The following C11orf71 variants were observed in gnomAD, a reference collection of about 807,000 sequenced individuals.
C11orf71 encodes the protein chromosome 11 open reading frame 71.
For missense variants in C11orf71, 179 were observed against 167.6 expected (o/e 1.07, Z -0.38); for synonymous variants, 72 against 73.4 (o/e 0.98, Z 0.09).
At chr11:114,392,725 C>A (rs1312608057) in intron 1 of C11orf71, among the ~76,000 whole-genome samples, 1 of 148,472 alleles carries the variant, frequency 6.7e-6, no homozygotes, top group African/African-American at 2.5e-5. Context: ...AGAGTAAGAT[C>A]CTGTCTCAAA....
chr11:114,399,861 C>T lies in C11orf71; in HGVS notation c.*99G>A. 1 of 1,407,582 alleles carries T rather than the reference C, an allele frequency of 7.1e-7. No individual in the cohort carries two copies. Among genetic ancestry groups the T allele is most frequent in the Non-Finnish European group, 9.4e-7 (1 of 1,067,488 alleles). 87.2% of individuals were successfully genotyped at this position (1,407,582 alleles called of 1,614,324 possible). On this transcript the variant is annotated 3_prime_UTR_variant, in exon 1 of 1. Coordinates refer to ENST00000623205, the MANE Select transcript of C11orf71 (RefSeq NM_001271562.2). ...TCCCACGTATTAAATGAAAATACAT[C>T]CATCTAAAAATAAAACAACACGATT...
chr11:114,394,228 C>CTTTTCTTTCCTTTCTTTTCTTTTCT, downstream of C11orf71, among the ~76,000 whole-genome samples: 3 of 48,704 alleles, frequency 6.2e-5, no homozygotes, highest in Admixed American at 2.7e-4. Context: ...CTTTTCTTTT[C>CTTTTCTTTCCTTTCTTTTCTTTTCT]TTTCTTTTCT....
At chr11:114,394,180 TTTC>T (rs1365969461), downstream of C11orf71, among the ~76,000 whole-genome samples, 1 of 40,774 alleles carries the variant, frequency 2.5e-5, no homozygotes. Flanking sequence ...CGGGGTTTCG[TTTC>T]TTTTCTTTTC....
chr11:114,394,338 A>T (rs1946114071), downstream of C11orf71, among the ~76,000 whole-genome samples: 1 of 143,778 alleles, frequency 7.0e-6, no homozygotes, highest in Non-Finnish European at 1.5e-5. Flanking sequence ...TCTGTTGCCC[A>T]GGCTGGAGTG....
At chr11:114,397,235 A>G (rs573478286), downstream of C11orf71, among the ~76,000 whole-genome samples, 1 of 152,346 alleles carries the variant, frequency 6.6e-6, no homozygotes, top group East Asian at 1.9e-4. Context: ...GAAATCATCT[A>G]TTTTAGAATG....
At chr11:114,394,243 T>TTTTCTTTTCTTTCTTTTCTTTTC (rs1946104911), downstream of C11orf71, among the ~76,000 whole-genome samples, 2 of 52,358 alleles carry the variant, frequency 3.8e-5, no homozygotes, top group Admixed American at 2.4e-4. Context: ...TTTTCTTTTC[T>TTTTCTTTTCTTTCTTTTCTTTTC]TTTCTTTTCT....
At chr11:114,394,331 G>T (rs952970879), downstream of C11orf71, among the ~76,000 whole-genome samples, 1 of 141,696 alleles carries the variant, frequency 7.1e-6, no homozygotes, top group African/African-American at 2.6e-5. Flanking sequence ...GTCGCACTCT[G>T]TTGCCCAGGC....
downstream of C11orf71, among the ~76,000 whole-genome samples, chr11:114,394,203 C>G (rs1009516465): frequency 2.0e-5 from 1 of 49,224 alleles, no homozygotes; most frequent in African/African-American, 1.2e-4. Flanking sequence ...CTTTTCTTTT[C>G]TTTTCTTTTC....
At chr11:114,394,979 C>T (rs1196801334), downstream of C11orf71, among the ~76,000 whole-genome samples, 4 of 150,654 alleles carry the variant, frequency 2.7e-5, no homozygotes, top group African/African-American at 7.4e-5. Context: ...ACAATTTATG[C>T]CCTTGCCTTC....
downstream of C11orf71, among the ~76,000 whole-genome samples, chr11:114,394,210 TTTC>T (rs781193742): frequency 2.8e-4 from 17 of 61,136 alleles, no homozygotes; most frequent in East Asian, 3.4e-3. Flanking sequence ...TTTCTTTTCT[TTTC>T]TTTTCTTTTC....
At chr11:114,393,369 T>G (rs1253047935) in intron 1 of C11orf71, among the ~76,000 whole-genome samples, 1 of 152,222 alleles carries the variant, frequency 6.6e-6, no homozygotes, top group Non-Finnish European at 1.5e-5. Flanking sequence ...CAATTCAAAG[T>G]CCATTTAACT....
chr11:114,399,038 T>C lies in C11orf71; in HGVS notation c.*922A>G, dbSNP rs1215548027. 2 of 138,864 alleles carry C rather than the reference T, an allele frequency of 1.4e-5. No individual in the cohort carries two copies. Among genetic ancestry groups the C allele is most frequent in the Non-Finnish European group, 3.1e-5 (2 of 65,252 alleles). The allele number at this position is 138,864 out of a possible 1,614,324, so 8.6% of individuals were successfully genotyped here. A position where few individuals can be genotyped will look rare whatever the true frequency, so the allele number is the denominator to read the frequency against. On this transcript the variant is annotated 3_prime_UTR_variant, in exon 1 of 1. Transcript: ENST00000623205. Reference sequence around the variant, plus strand: ...CCAGGTAAGAGAAGAACCAGGATAGTGCAGTATTATGATGAAAAAAAAAAA... The same window carrying C: ...CCAGGTAAGAGAAGAACCAGGATAGCGCAGTATTATGATGAAAAAAAAAAA...
downstream of C11orf71, among the ~76,000 whole-genome samples, chr11:114,394,253 TTTTC>T (rs1565256639): frequency 3.6e-4 from 24 of 66,626 alleles, 1 homozygote; most frequent in Non-Finnish European, 5.3e-4. Context: ...TTTTCTTTTC[TTTTC>T]TTTTCTTTTC....
In C11orf71 at chr11:114,399,722, G is replaced by A. The variant is rs1946164335; in HGVS notation, c.*238C>T. On this transcript the variant is annotated 3_prime_UTR_variant, in exon 1 of 1. Transcript: ENST00000623205. ...GCTCCCATCAGCTCAGCTTTGTGAC[G>A]ACCTAAGAATATCCCTTCCACACCT... 2 of 568,226 alleles carry A rather than the reference G, an allele frequency of 3.5e-6. No individual in the cohort carries two copies. The highest frequency in any genetic ancestry group is 3.8e-5 in the Admixed American group (1 of 26,466). 35.2% of individuals were successfully genotyped at this position (568,226 alleles called of 1,614,324 possible).
At chr11:114,391,675 A>C (rs1395192151) in intron 1 of C11orf71, 4 of 1,292,268 alleles carry the variant, frequency 3.1e-6, no homozygotes, top group Non-Finnish European at 4.3e-6. Context: ...ACTAAAATAC[A>C]CAAAATGGAT....
downstream of C11orf71, among the ~76,000 whole-genome samples, chr11:114,394,228 C>CT: frequency 0.28 from 13,127 of 46,550 alleles, 1,693 homozygotes; most frequent in Non-Finnish European, 0.3. Context: ...CTTTTCTTTT[C>CT]TTTCTTTTCT....
chr11:114,393,237 G>C (rs1420565793), intron 1 of C11orf71, among the ~76,000 whole-genome samples: 1 of 152,166 alleles, frequency 6.6e-6, no homozygotes, highest in African/African-American at 2.4e-5. Flanking sequence ...TCTGTTAAAA[G>C]TTAAAACAAG....
chr11:114,394,234 T>TCTCTTCTC, downstream of C11orf71, among the ~76,000 whole-genome samples: 1 of 47,324 alleles, frequency 2.1e-5, no homozygotes, highest in African/African-American at 2.3e-4. Context: ...TTTTCTTTCT[T>TCTCTTCTC]TTCTTTTCTT....
chr11:114,396,317 A>G (rs1244671317), downstream of C11orf71, among the ~76,000 whole-genome samples: 1 of 152,246 alleles, frequency 6.6e-6, no homozygotes, highest in African/African-American at 2.4e-5. Flanking sequence ...ATGCCCTTAC[A>G]CATTATGACT....
Sources: gnomAD v4.1 joint callset for allele counts (sites outside exome capture counted in the v4.1 genomes callset) on GRCh38, gnomAD v4.1.1 for gene constraint, MANE v1.5 for transcripts, NCBI Gene and HGNC (gene_info 2026-07-23, HGNC 2026-07-21) for gene names.